ASB9: variants seen among roughly 807,000 people sequenced by gnomAD.
ASB9 encodes ankyrin repeat and SOCS box containing 9, also known as ankyrin repeat and SOCS box protein 9.
A neutral mutation model predicts 16.6 loss-of-function variants in ASB9; 5 were observed. The ratio of observed to expected loss-of-function variants is 0.30; its 90% CI spans 0.16 to 0.63. The LOEUF (loss-of-function observed/expected upper bound fraction) is 0.63. ASB9 is among the 30% of genes least tolerant of loss of function. ASB9 has a pLI of 0.82. For synonymous variants in ASB9, 100 were observed against 86.4 expected (o/e 1.16, Z -0.87); for missense variants, 216 against 229.4 (o/e 0.94, Z 0.38).
At chrX:15,257,275 G>A (rs1382528376) in intron 2 of ASB9, among the ~76,000 whole-genome samples, 1 of 110,787 alleles carries the variant, frequency 9.0e-6, no homozygotes, top group Non-Finnish European at 1.9e-5. Flanking sequence ...GGGGCGTGGT[G>A]GCACATGCCT....
rs1926371416 is a variant in ASB9, at chrX:15,266,137, C to A, written c.94+3644G>T. On this transcript the variant is annotated intron_variant, in intron 1 of 6. Transcript: ENST00000380488. ...TATTTTTAGTAGAGATGGGGTTTCA[C>A]CATGTTGGATAGGCTGGTCTGGAAC... Among the ~76,000 whole-genome samples the A allele has an allele frequency of 2.7e-5, 3 of 110,969 alleles. No individual in the cohort carries two copies. In the South Asian group the frequency reaches 1.2e-3, roughly 43 times the overall value.
At chrX:15,250,308 A>G in intron 5 of ASB9, 122 bp downstream of exon 5, 2 of 791,948 alleles carry the variant, frequency 2.5e-6, no homozygotes, top group East Asian at 6.7e-5. Context: ...GTCAATATGA[A>G]CCCTGACCTT....
chrX:15,254,129 T>A (rs760069116), intron 3 of ASB9, among the ~76,000 whole-genome samples: 1 of 112,196 alleles, frequency 8.9e-6, no homozygotes, highest in Admixed American at 9.5e-5. Context: ...CATTCTTTTT[T>A]TGGCATGGAC....
intron 6 of ASB9, among the ~76,000 whole-genome samples, chrX:15,246,760 A>G (rs1924704502): frequency 9.0e-6 from 1 of 111,136 alleles, no homozygotes; most frequent in Non-Finnish European, 1.9e-5. Context: ...TACAGGCGTG[A>G]GCCACCGTGC....
chrX:15,258,792 C>T, intron 2 of ASB9, 74 bp downstream of exon 2: 1 of 818,703 alleles, frequency 1.2e-6, no homozygotes, highest in Non-Finnish European at 1.8e-6. Context: ...TTTAAAAGTC[C>T]CTATGTTATT....
At chrX:15,255,990 T>C (rs770249091) in intron 2 of ASB9, among the ~76,000 whole-genome samples, 2 of 111,715 alleles carry the variant, frequency 1.8e-5, no homozygotes, top group Non-Finnish European at 3.8e-5. Flanking sequence ...TGACATTTAA[T>C]TGTTTTTCTT....
chrX:15,248,571 T>C, intron 6 of ASB9, 173 bp downstream of exon 6: 1 of 796,317 alleles, frequency 1.3e-6, no homozygotes, highest in African/African-American at 2.1e-5. Flanking sequence ...TACTGTACTG[T>C]GACCAGTACT....
intron 1 of ASB9, among the ~76,000 whole-genome samples, chrX:15,261,756 T>C (rs1219785737): frequency 2.7e-5 from 3 of 112,563 alleles, no homozygotes; most frequent in Non-Finnish European, 5.6e-5. Context: ...AATGTGAATA[T>C]CTCTAGCTAG....
At position 15,244,972 on chromosome X, in the gene ASB9, T is replaced by C. The variant is rs773020938; in HGVS notation, c.761-342A>G. ...AAATAAAATTTATGTTTAATGGTGT[T>C]CTTTTATCTTTAAAAATAAGGGCAT... On this transcript the variant is annotated intron_variant, in intron 6 of 6. Coordinates refer to ENST00000380488, the MANE Select transcript of ASB9 (RefSeq NM_001031739.3). Among the ~76,000 whole-genome samples, 3 of 112,209 alleles carry C rather than the reference T, an allele frequency of 2.7e-5. No individual in the cohort carries two copies. In the East Asian group the frequency reaches 8.3e-4, roughly 31 times the overall value.
Position 15,246,387 on chromosome X carries a change from G to A in ASB9, c.761-1757C>T, listed in dbSNP as rs1924669858. 3.6e-5 allele frequency among the ~76,000 whole-genome samples: 4 copies of A among 112,201 alleles called. 1 individual carries two copies. The highest frequency in any genetic ancestry group is 2.8e-4 in the Admixed American group (3 of 10,627). On this transcript the variant is annotated intron_variant, in intron 6 of 6. Transcript: ENST00000380488. ...AATATTCAAGGGGTTTGCTTTGCTCGGTAATAAAACCAGCTAATTGTGTAT... is the reference window on the plus strand; with the variant it reads ...AATATTCAAGGGGTTTGCTTTGCTCAGTAATAAAACCAGCTAATTGTGTAT...
intron 1 of ASB9, among the ~76,000 whole-genome samples, chrX:15,267,553 G>A: frequency 1.2e-5 from 1 of 83,496 alleles, no homozygotes; most frequent in Non-Finnish European, 2.3e-5. Flanking sequence ...GACCATCCTG[G>A]CTAACATGGT....
chrX:15,260,161 G>C (rs1925859993), intron 1 of ASB9, among the ~76,000 whole-genome samples: 1 of 112,173 alleles, frequency 8.9e-6, no homozygotes, highest in African/African-American at 3.2e-5. Context: ...CACTTTGAGA[G>C]GCCGAGGTGG....
chrX:15,244,691 T>TGGAAA (rs112382242), intron 6 of ASB9, 61 bp from the exon 7 acceptor site: 5 of 986,339 alleles, frequency 5.1e-6, no homozygotes, highest in South Asian at 5.0e-5. Context: ...CTCCTTTTTT[T>TGGAAA]TAAAAAAAAA....
At chrX:15,253,822 C>T (rs779712366) in intron 3 of ASB9, among the ~76,000 whole-genome samples, 16 of 111,531 alleles carry the variant, frequency 1.4e-4, no homozygotes, top group African/African-American at 5.2e-4. Context: ...ATCTTTTAAG[C>T]AATGATATTG....
chrX:15,260,631 T>C (rs1925900130), intron 1 of ASB9, among the ~76,000 whole-genome samples: 1 of 111,782 alleles, frequency 8.9e-6, no homozygotes, highest in African/African-American at 3.3e-5. Flanking sequence ...CAGCTCCACC[T>C]GCTTCGCCAA....
intron 2 of ASB9, among the ~76,000 whole-genome samples, chrX:15,258,297 A>C (rs979557706): frequency 4.5e-5 from 5 of 112,062 alleles, no homozygotes; most frequent in Non-Finnish European, 7.5e-5. Flanking sequence ...TTAAGAAGTG[A>C]TATATAAAAG....
At chrX:15,256,643 G>A (rs1463936763) in intron 2 of ASB9, among the ~76,000 whole-genome samples, 8 of 104,591 alleles carry the variant, frequency 7.6e-5, no homozygotes, top group Non-Finnish European at 1.6e-4. Context: ...CGGGCGAGGT[G>A]GGGGACACCT....
chrX:15,267,721 G>A (rs1387186109), intron 1 of ASB9, among the ~76,000 whole-genome samples: 1 of 89,563 alleles, frequency 1.1e-5, no homozygotes, highest in Non-Finnish European at 2.2e-5. Flanking sequence ...TCCAGCCTGG[G>A]TGACAGAGTG....
chrX:15,254,985 A>C, intron 2 of ASB9, 141 bp from the exon 3 acceptor site: 1 of 129,163 alleles, frequency 7.7e-6, no homozygotes, highest in Non-Finnish European at 1.4e-5. Flanking sequence ...TATTGACTTT[A>C]AAAAAAAAAA....
Sources: gnomAD v4.1 joint callset for allele counts (sites outside exome capture counted in the v4.1 genomes callset) on GRCh38, gnomAD v4.1.1 for gene constraint, MANE v1.5 for transcripts, NCBI Gene and HGNC (gene_info 2026-07-23, HGNC 2026-07-21) for gene names.